The following GAP43 variants were observed in gnomAD, a reference collection of about 807,000 sequenced individuals.
GAP43 encodes the protein growth associated protein 43.
Under a neutral mutation model 18.6 loss-of-function variants are expected in GAP43, and 6 were observed. That is an observed-to-expected ratio of 0.32 (90% confidence interval 0.18 to 0.64). GAP43 has a LOEUF of 0.64. Among genes scored for constraint, GAP43 ranks in the 30% least tolerant of loss-of-function variants. The pLI is 0.78. For missense variants in GAP43, 292 were observed against 295.5 expected (o/e 0.99, Z 0.09); for synonymous variants, 115 against 111.4 (o/e 1.03, Z -0.20).
intron 2 of GAP43, among the ~76,000 whole-genome samples, chr3:115,711,711 C>T (rs1709441364): frequency 6.6e-6 from 1 of 152,150 alleles, no homozygotes; most frequent in Non-Finnish European, 1.5e-5. Context: ...AACCCCCAAA[C>T]AAACTGAAGC....
At chr3:115,669,537 T>C (rs1708783447) in intron 1 of GAP43, among the ~76,000 whole-genome samples, 1 of 152,240 alleles carries the variant, frequency 6.6e-6, no homozygotes, top group South Asian at 2.1e-4. Context: ...TTTTTTTCTG[T>C]TTGAAGGCAT....
intron 2 of GAP43, among the ~76,000 whole-genome samples, chr3:115,686,051 A>G (rs1473357702): frequency 1.3e-5 from 2 of 152,226 alleles, no homozygotes; most frequent in Non-Finnish European, 2.9e-5. Flanking sequence ...TATGGTATAA[A>G]TACTCCCATC....
At chr3:115,664,056 T>C in intron 1 of GAP43, 2 of 780,816 alleles carry the variant, frequency 2.6e-6, no homozygotes, top group Non-Finnish European at 4.1e-6. Flanking sequence ...ATCTGTAAGA[T>C]AATAGTACCC....
Position 115,676,523 on chromosome 3 carries a change from A to T in GAP43, c.541A>T (p.Thr181Ser). The T allele has an allele frequency of 6.2e-7, 1 of 1,609,724 alleles. No homozygotes were observed. Among genetic ancestry groups the T allele is most frequent in the Non-Finnish European group, 8.5e-7 (1 of 1,179,086 alleles). ...TGCTGTCACTGCTGCTGCTGCCACCACCCCTGCCGCAGAGGATGCTGCTGC... is the reference window on the plus strand; with the variant it reads ...TGCTGTCACTGCTGCTGCTGCCACCTCCCCTGCCGCAGAGGATGCTGCTGC... The part of the protein sequence containing the change: ...PAAVTAAAAT[T>S]PAAEDAAAKA... The change falls in exon 2 of 3, where the codon ACC (threonine) becomes TCC (serine). Residue 181 changes from threonine (T) to serine (S), a missense_variant. Coordinates refer to ENST00000305124, the MANE Select transcript of GAP43 (RefSeq NM_002045.4).
At chr3:115,709,481 G>A (rs552496254) in intron 2 of GAP43, among the ~76,000 whole-genome samples, 2 of 152,274 alleles carry the variant, frequency 1.3e-5, no homozygotes, top group Admixed American at 6.5e-5. Context: ...GGGAGATGTA[G>A]AATTGAAATT....
chr3:115,692,781 T>A (rs2107359771), intron 2 of GAP43, among the ~76,000 whole-genome samples: 1 of 152,320 alleles, frequency 6.6e-6, no homozygotes, highest in Non-Finnish European at 1.5e-5. Context: ...GACTCTGATG[T>A]CTCTATGAAG....
chr3:115,719,126 A>C (rs1375962952), intron 2 of GAP43, among the ~76,000 whole-genome samples: 1 of 152,218 alleles, frequency 6.6e-6, no homozygotes, highest in Admixed American at 6.5e-5. Context: ...AATTAAACAC[A>C]AATTTGTTAG....
intron 2 of GAP43, among the ~76,000 whole-genome samples, chr3:115,683,092 T>C (rs1708976121): frequency 6.6e-6 from 1 of 151,414 alleles, no homozygotes; most frequent in Non-Finnish European, 1.5e-5. Context: ...CACACATTCA[T>C]AAAATATTTT....
intron 2 of GAP43, among the ~76,000 whole-genome samples, chr3:115,707,178 T>C (rs115884787): frequency 6.6e-6 from 1 of 152,248 alleles, no homozygotes; most frequent in African/African-American, 2.4e-5. Context: ...TGAACACATT[T>C]AATTGTCATA....
chr3:115,704,369 T>C (rs946119345), intron 2 of GAP43, among the ~76,000 whole-genome samples: 2 of 152,078 alleles, frequency 1.3e-5, no homozygotes, highest in Admixed American at 6.6e-5. Context: ...CCAGTAACTC[T>C]TATGCCATTT....
At chr3:115,699,025 C>T (rs1348698063) in intron 2 of GAP43, among the ~76,000 whole-genome samples, 2 of 152,144 alleles carry the variant, frequency 1.3e-5, no homozygotes, top group African/African-American at 4.8e-5. Context: ...AAGCGGCAGC[C>T]ATTCTCGTGG....
intron 2 of GAP43, among the ~76,000 whole-genome samples, chr3:115,683,896 C>T (rs942622413): frequency 6.6e-6 from 1 of 151,920 alleles, no homozygotes; most frequent in Non-Finnish European, 1.5e-5. Context: ...ACTAACAGGT[C>T]TAAGTATTTG....
chr3:115,664,877 C>T (rs533042394), intron 1 of GAP43, among the ~76,000 whole-genome samples: 67 of 152,236 alleles, frequency 4.4e-4, no homozygotes, highest in Non-Finnish European at 7.9e-4. Flanking sequence ...TGATGCAATC[C>T]GCTTCCACCC....
intron 2 of GAP43, among the ~76,000 whole-genome samples, chr3:115,679,741 T>C (rs1708937377): frequency 1.3e-5 from 2 of 152,286 alleles, no homozygotes; most frequent in Non-Finnish European, 2.9e-5. Flanking sequence ...GACTCTGCTG[T>C]GGTCATATTC....
At chr3:115,658,591 G>T (rs1204692274) in intron 1 of GAP43, 1 of 152,126 alleles carries the variant, frequency 6.6e-6, no homozygotes. Flanking sequence ...CCTGGGGACC[G>T]CAGGGCGTGG....
At chr3:115,643,775 T>C (rs1486915520) in intron 1 of GAP43, among the ~76,000 whole-genome samples, 1 of 152,024 alleles carries the variant, frequency 6.6e-6, no homozygotes. Context: ...AAGATACTTA[T>C]TACAATCTGC....
intron 1 of GAP43, among the ~76,000 whole-genome samples, chr3:115,665,953 T>C (rs1042620262): frequency 6.6e-6 from 1 of 151,578 alleles, no homozygotes; most frequent in African/African-American, 2.4e-5. Flanking sequence ...GTTGGATCAA[T>C]GGGATAGATA....
At chr3:115,652,316 C>T (rs1045668067) in intron 1 of GAP43, among the ~76,000 whole-genome samples, 3 of 135,694 alleles carry the variant, frequency 2.2e-5, no homozygotes, top group African/African-American at 8.1e-5. Context: ...TTTTCTACAT[C>T]TCTATATTCC....
chr3:115,674,794 A>G (rs1708859955), intron 1 of GAP43, among the ~76,000 whole-genome samples: 1 of 152,236 alleles, frequency 6.6e-6, no homozygotes, highest in Admixed American at 6.5e-5. Context: ...AAGTTGTCAC[A>G]TTCTGAACAA....
Sources: allele counts gnomAD v4.1 joint callset (sites outside exome capture counted in the v4.1 genomes callset), GRCh38; gene constraint gnomAD v4.1.1; transcripts MANE v1.5; gene names NCBI Gene and HGNC (gene_info 2026-07-23, HGNC 2026-07-21).